Variants in NRXN1 observed in about 807,000 individuals in gnomAD.
NRXN1 encodes the protein neurexin-1.
A neutral mutation model predicts 150.9 loss-of-function variants in NRXN1; 39 were observed. The observed-to-expected ratio is 0.26, with a 90% CI of 0.20 to 0.34. The LOEUF (loss-of-function observed/expected upper bound fraction) is 0.34. NRXN1 is among the 10% of genes least tolerant of loss of function. NRXN1 has a pLI of 1.00. For synonymous variants in NRXN1, 924 were observed against 757.0 expected, an observed-to-expected ratio of 1.22 and a Z score of -3.62; for missense variants, 1,815 against 1,949.9, an observed-to-expected ratio of 0.93 and a Z score of 1.30.
chr2:50,879,000 T>G (rs1679031976), intron 5 of NRXN1, among the ~76,000 whole-genome samples: 1 of 152,004 alleles, frequency 6.6e-6, no homozygotes, highest in African/African-American at 2.4e-5. Flanking sequence ...TTGGCTATGA[T>G]GACCAGTTGT....
chr2:50,472,432 T>G lies in NRXN1; in HGVS notation c.3110A>C (p.Lys1037Thr). ...GGCATGTACAAGTTTTGGTAAGGAT[T>G]TGTATGTTTCTTTAGCTACTCCTCC... Reference protein sequence around the residue: ...YIGGVAKETYKSLPKLVHAKE... With the variant: ...YIGGVAKETYTSLPKLVHAKE... Residue 1037 changes from lysine (K) to threonine (T), a missense_variant, in exon 16 of 23, where the codon AAA (lysine) becomes ACA (threonine). Physicochemically the swap from Lys to Thr is moderately conservative, Grantham distance 78. Around this residue, in one of 6 missense-constraint regions of NRXN1, gnomAD observed 339 missense variants for 440.3 expected, o/e 0.77. Transcript: ENST00000401669. 2.5e-6 allele frequency: 4 copies of G among 1,612,190 alleles called. No homozygotes were observed. The highest frequency in any genetic ancestry group is 3.4e-6 in the Non-Finnish European group (4 of 1,178,788).
intron 19 of NRXN1, among the ~76,000 whole-genome samples, chr2:50,070,274 A>C (rs1696048490): frequency 6.6e-6 from 1 of 152,126 alleles, no homozygotes; most frequent in Admixed American, 6.5e-5. Context: ...AGATCAGAAA[A>C]ATTTAAGAAG....
intron 18 of NRXN1, among the ~76,000 whole-genome samples, chr2:50,095,676 A>C (rs1322554005): frequency 6.6e-6 from 1 of 152,082 alleles, no homozygotes. Context: ...AGAAATCTCC[A>C]GATTTCATAG....
chr2:50,190,319 G>C (rs868029673), intron 18 of NRXN1, among the ~76,000 whole-genome samples: 7 of 151,948 alleles, frequency 4.6e-5, no homozygotes, highest in Non-Finnish European at 7.4e-5. Context: ...AATTAGTTGA[G>C]AATGCCACAC....
intron 5 of NRXN1, among the ~76,000 whole-genome samples, chr2:50,662,510 A>C (rs1489638437): frequency 6.6e-6 from 1 of 152,060 alleles, no homozygotes; most frequent in Non-Finnish European, 1.5e-5. Context: ...TGTAGGCCGC[A>C]GGAGGCCCAG....
chr2:50,433,770 G>C (rs1182305679), intron 17 of NRXN1, among the ~76,000 whole-genome samples: 1 of 151,554 alleles, frequency 6.6e-6, no homozygotes, highest in African/African-American at 2.4e-5. Flanking sequence ...GAAAGGGAGA[G>C]GGGAAAGGAA....
chr2:50,627,034 C>G (rs957887127), intron 5 of NRXN1, among the ~76,000 whole-genome samples: 5 of 151,792 alleles, frequency 3.3e-5, no homozygotes, highest in African/African-American at 1.2e-4. Context: ...AAACTACATT[C>G]AGATACCATT....
intron 17 of NRXN1, among the ~76,000 whole-genome samples, chr2:50,334,939 T>C (rs1328286441): frequency 2.6e-5 from 4 of 152,206 alleles, no homozygotes; most frequent in Non-Finnish European, 5.9e-5. Context: ...TCCTAAGGAC[T>C]CCTGACTGTT....
rs948153844 is a variant in NRXN1 at position 50,665,868 on chromosome 2, C to A, written c.833-42253G>T. Among the ~76,000 whole-genome samples the A allele has an allele frequency of 2.0e-5, 3 of 152,010 alleles. No individual in the cohort carries two copies. The East Asian group carries it at 5.8e-4, about 30-fold the overall frequency. ...TTCAATTAATTAAGTGTGTGTACCT[C>A]CCACCTTTTATAAGCATCTTCTTAA... On this transcript the variant is annotated intron_variant, in intron 5 of 22. Transcript: ENST00000401669.
At chr2:50,308,374 G>C (rs1259896871) in intron 17 of NRXN1, among the ~76,000 whole-genome samples, 4 of 151,946 alleles carry the variant, frequency 2.6e-5, no homozygotes, top group Non-Finnish European at 4.4e-5. Context: ...CTTTTGCCCA[G>C]GCTGGAGTGC....
rs77536117 is a variant in NRXN1, at chr2:50,475,180, G to A, written c.3071-2709C>T. The stretch of plus-strand genomic sequence containing the variant: ...GTGGGGAATTGAATGAAGAATTCTT[G>A]GCACAGCTTTAGGCTTTTCAGATGT... On this transcript the variant is annotated intron_variant, in intron 15 of 22. Coordinates refer to ENST00000401669, the MANE Select transcript of NRXN1 (RefSeq NM_001330078.2). Among the ~76,000 whole-genome samples, 489 of 152,068 alleles carry A rather than the reference G, an allele frequency of 3.2e-3. 1 individual carries two copies. The highest frequency in any genetic ancestry group is 0.011 in the African/African-American group (468 of 41,518).
chr2:50,901,906 G>A (rs1015508843), intron 5 of NRXN1, among the ~76,000 whole-genome samples: 4 of 152,150 alleles, frequency 2.6e-5, no homozygotes, highest in African/African-American at 4.8e-5. Context: ...CACGCATGGC[G>A]AATGGAAGAT....
chr2:50,310,574 T>A (rs2075089815), intron 17 of NRXN1, among the ~76,000 whole-genome samples: 1 of 152,146 alleles, frequency 6.6e-6, no homozygotes, highest in Admixed American at 6.5e-5. Flanking sequence ...ATGACTCTTA[T>A]TAAAGAATAA....
intron 18 of NRXN1, among the ~76,000 whole-genome samples, chr2:50,206,230 C>T (rs1574488206): frequency 2.3e-4 from 2 of 8,886 alleles, no homozygotes. Context: ...CACACAAATA[C>T]ACACACACAC....
At chr2:50,911,862 A>T (rs777119778) in intron 5 of NRXN1, among the ~76,000 whole-genome samples, 1 of 151,928 alleles carries the variant, frequency 6.6e-6, no homozygotes, top group Non-Finnish European at 1.5e-5. Flanking sequence ...TGACCTTTAC[A>T]ACAAGATTTG....
chr2:50,776,647 T>C (rs2105483815), intron 5 of NRXN1, among the ~76,000 whole-genome samples: 1 of 136,564 alleles, frequency 7.3e-6, no homozygotes, highest in East Asian at 2.0e-4. Context: ...TATATATATA[T>C]ATACACATAC....
chr2:50,730,643 A>G (rs1459580847), intron 5 of NRXN1, among the ~76,000 whole-genome samples: 1 of 151,014 alleles, frequency 6.6e-6, no homozygotes, highest in Admixed American at 6.6e-5. Flanking sequence ...CACTTTGACT[A>G]CAAAATCTTC....
chr2:50,045,079 T>C (rs1037689052), intron 21 of NRXN1, among the ~76,000 whole-genome samples: 1 of 152,050 alleles, frequency 6.6e-6, no homozygotes, highest in Non-Finnish European at 1.5e-5. Flanking sequence ...GGCAGAGAAA[T>C]TACCTGAGCC....
chr2:50,868,141 T>TTATATATATATATATA (rs70958631), intron 5 of NRXN1, among the ~76,000 whole-genome samples: 1 of 87,692 alleles, frequency 1.1e-5, no homozygotes, highest in Non-Finnish European at 2.3e-5. Context: ...AAACAAAATA[T>TTATATATATATATATA]TATATATATA....
Sources: gnomAD v4.1 joint callset for allele counts (sites outside exome capture counted in the v4.1 genomes callset) on GRCh38, gnomAD v4.1.1 for gene constraint, gnomAD v4.1.1 regional missense constraint, MANE v1.5 for transcripts, NCBI Gene and HGNC (gene_info 2026-07-23, HGNC 2026-07-21) for gene names.